The following BMPR1B variants were observed in gnomAD, a reference collection of about 807,000 sequenced individuals.
BMPR1B encodes the protein bone morphogenetic protein receptor type 1B, also known as bone morphogenetic protein receptor type-1B.
BMPR1B carries 12 observed loss-of-function variants against 59.1 expected under a neutral mutation model. The observed-to-expected ratio is 0.20, with a 90% CI of 0.13 to 0.33. The LOEUF (loss-of-function observed/expected upper bound fraction) is 0.33. Ranked by LOEUF, BMPR1B falls within the 10% of genes least tolerant of loss-of-function variation. The probability of loss-of-function intolerance (pLI) is 1.00; values close to 1 mark genes in which losing one functional copy is unlikely to be tolerated. For missense variants in BMPR1B, 550 were observed against 610.9 expected (o/e 0.90, Z 1.05); for synonymous variants, 237 against 207.3 (o/e 1.14, Z -1.23).
chr4:94,897,661 T>C (rs923328832), intron 2 of BMPR1B, among the ~76,000 whole-genome samples: 1 of 152,048 alleles, frequency 6.6e-6, no homozygotes, highest in Non-Finnish European at 1.5e-5. Context: ...GGTTTTTTTG[T>C]TTTGGTCCAG....
At chr4:94,758,522 C>T (rs1721620488) in intron 1 of BMPR1B, among the ~76,000 whole-genome samples, 2 of 151,742 alleles carry the variant, frequency 1.3e-5, no homozygotes, top group Non-Finnish European at 2.9e-5. Context: ...GGGAGGGAGC[C>T]CGGCGGGGCG....
At chr4:95,140,666 C>T (rs1330844511) in intron 10 of BMPR1B, among the ~76,000 whole-genome samples, 3 of 152,044 alleles carry the variant, frequency 2.0e-5, no homozygotes, top group African/African-American at 4.8e-5. Flanking sequence ...CTTCATTTCT[C>T]CTACCAGTGA....
intron 3 of BMPR1B, among the ~76,000 whole-genome samples, chr4:95,084,355 G>C (rs910940225): frequency 3.7e-5 from 3 of 80,770 alleles, no homozygotes; most frequent in African/African-American, 1.3e-4. Context: ...AGGTGTGTGT[G>C]TATATATATG....
At chr4:95,061,879 T>C (rs1560625372) in intron 3 of BMPR1B, among the ~76,000 whole-genome samples, 1 of 152,152 alleles carries the variant, frequency 6.6e-6, no homozygotes, top group African/African-American at 2.4e-5. Context: ...TGGGAGGTGA[T>C]TGGATCTTGG....
chr4:94,972,902 C>T (rs1024931534), intron 2 of BMPR1B, among the ~76,000 whole-genome samples: 2 of 152,240 alleles, frequency 1.3e-5, no homozygotes, highest in Non-Finnish European at 2.9e-5. Flanking sequence ...TCAGCCTGCC[C>T]CTGTCTACCC....
Position 94,832,783 on chromosome 4 carries a change from A to C in BMPR1B, c.-182-43048A>C, listed in dbSNP as rs1380844826. On this transcript the variant is annotated intron_variant, in intron 1 of 12. Transcript: ENST00000515059. ...GGGCAACAGAGTAATGCTCCGTCTC[A>C]AAAAAAATAAAAATAAGGAAAGGTA... Among the ~76,000 whole-genome samples, 3 of 151,224 alleles carry C rather than the reference A, an allele frequency of 2.0e-5. No homozygotes were observed. In the East Asian group the frequency reaches 5.9e-4, roughly 30 times the overall value.
chr4:94,825,093 G>C (rs1041122062), intron 1 of BMPR1B, among the ~76,000 whole-genome samples: 1 of 152,184 alleles, frequency 6.6e-6, no homozygotes, highest in Non-Finnish European at 1.5e-5. Context: ...GCTCAATAAT[G>C]TCATTCCAGA....
chr4:95,024,830 C>G (rs961319237), intron 3 of BMPR1B, among the ~76,000 whole-genome samples: 2 of 152,268 alleles, frequency 1.3e-5, no homozygotes, highest in Non-Finnish European at 2.9e-5. Flanking sequence ...AGGCTGGGTA[C>G]ATTGGCTCAC....
At chr4:94,766,963 A>C (rs1452940055) in intron 1 of BMPR1B, among the ~76,000 whole-genome samples, 1 of 152,140 alleles carries the variant, frequency 6.6e-6, no homozygotes, top group Non-Finnish European at 1.5e-5. Flanking sequence ...CCTTATTTTA[A>C]GTATTCTCGG....
intron 12 of BMPR1B, 45 bp from the exon 13 acceptor site, chr4:95,154,503 C>A: frequency 6.2e-7 from 1 of 1,613,244 alleles, no homozygotes; most frequent in Non-Finnish European, 8.5e-7. Context: ...GTAACAGGTG[C>A]CAGCCTTGCA....
chr4:94,779,506 A>G (rs930306912), intron 1 of BMPR1B, among the ~76,000 whole-genome samples: 2 of 152,102 alleles, frequency 1.3e-5, no homozygotes, highest in Non-Finnish European at 2.9e-5. Context: ...ATGATAACTG[A>G]TCTAGATTTT....
At chr4:94,813,794 G>A (rs1399062331) in intron 1 of BMPR1B, among the ~76,000 whole-genome samples, 1 of 152,090 alleles carries the variant, frequency 6.6e-6, no homozygotes, top group Non-Finnish European at 1.5e-5. Flanking sequence ...GCTGAGAAGT[G>A]GTCACATTCA....
intron 2 of BMPR1B, among the ~76,000 whole-genome samples, chr4:94,925,916 A>G (rs1253326213): frequency 6.6e-6 from 1 of 151,992 alleles, no homozygotes; most frequent in Non-Finnish European, 1.5e-5. Flanking sequence ...CAGCAATCCA[A>G]TTTCACGCAG....
At chr4:95,136,188 C>T (rs559776982) in intron 10 of BMPR1B, among the ~76,000 whole-genome samples, 17 of 151,952 alleles carry the variant, frequency 1.1e-4, no homozygotes, top group South Asian at 2.1e-4. Context: ...CAGGACCAGA[C>T]GGACTACATT....
intron 3 of BMPR1B, among the ~76,000 whole-genome samples, chr4:95,014,892 A>T (rs1308920221): frequency 2.0e-5 from 3 of 152,142 alleles, no homozygotes; most frequent in Non-Finnish European, 4.4e-5. Context: ...AATGTCATCT[A>T]GCAGGGCTAT....
At chr4:94,786,680 A>G (rs1722775878) in intron 1 of BMPR1B, among the ~76,000 whole-genome samples, 1 of 151,858 alleles carries the variant, frequency 6.6e-6, no homozygotes, top group Non-Finnish European at 1.5e-5. Context: ...CTGGGACTAC[A>G]GGCACCCACC....
chr4:95,086,279 A>G (rs1453651157), intron 3 of BMPR1B, among the ~76,000 whole-genome samples: 1 of 152,142 alleles, frequency 6.6e-6, no homozygotes, highest in Non-Finnish European at 1.5e-5. Flanking sequence ...AGAGGTTTTG[A>G]ATGGCAAATA....
chr4:95,016,431 A>C (rs1299543672), intron 3 of BMPR1B, among the ~76,000 whole-genome samples: 1 of 152,246 alleles, frequency 6.6e-6, no homozygotes, highest in African/African-American at 2.4e-5. Flanking sequence ...TAATGTCATC[A>C]TACAGATGTT....
intron 1 of BMPR1B, among the ~76,000 whole-genome samples, chr4:94,842,702 G>A (rs1725138343): frequency 6.6e-6 from 1 of 152,118 alleles, no homozygotes; most frequent in South Asian, 2.1e-4. Context: ...GTCTGTGAAT[G>A]TGTTTATTAG....
Sources: allele counts gnomAD v4.1 joint callset (sites outside exome capture counted in the v4.1 genomes callset), GRCh38; gene constraint gnomAD v4.1.1; transcripts MANE v1.5; gene names NCBI Gene and HGNC (gene_info 2026-07-23, HGNC 2026-07-21).